Variants in XKR4 observed in about 807,000 individuals in gnomAD.
XKR4 encodes the protein XK related 4.
A neutral mutation model predicts 53.9 loss-of-function variants in XKR4; 12 were observed. The observed-to-expected ratio is 0.22, with a 90% CI of 0.14 to 0.36. The LOEUF is 0.36. XKR4 is among the 10% of genes least tolerant of loss of function. The pLI is 1.00. For missense variants in XKR4, 799 were observed against 859.5 expected, an observed-to-expected ratio of 0.93 and a Z score of 0.88; for synonymous variants, 354 against 362.4, an observed-to-expected ratio of 0.98 and a Z score of 0.26.
chr8:55,467,770 C>G (rs1451234895), intron 2 of XKR4, among the ~76,000 whole-genome samples: 1 of 152,012 alleles, frequency 6.6e-6, no homozygotes. Context: ...ATTATTATGG[C>G]CTTTGGCAAG....
At chr8:55,180,239 A>G (rs1485924869) in intron 1 of XKR4, among the ~76,000 whole-genome samples, 1 of 152,266 alleles carries the variant, frequency 6.6e-6, no homozygotes, top group Non-Finnish European at 1.5e-5. Flanking sequence ...GTCAGGGATT[A>G]TCTGTAAAGG....
At chr8:55,383,827 T>A (rs1459880599) in intron 2 of XKR4, among the ~76,000 whole-genome samples, 1 of 152,088 alleles carries the variant, frequency 6.6e-6, no homozygotes, top group African/African-American at 2.4e-5. Context: ...TGTCTAAGGT[T>A]ATAGGAAGAA....
At position 55,417,609 on chromosome 8, in the gene XKR4, C is replaced by T. The variant is rs117691466; in HGVS notation, c.1006+59732C>T. ...AAAAAGTGTAGCTGTAGGGTATTAT[C>T]ATTTTGCTGGATGTATGTGAATCAC... is the stretch of plus-strand genomic sequence containing the variant. On this transcript the variant is annotated intron_variant, in intron 2 of 2. Transcript: ENST00000327381. 2.2e-3 allele frequency among the ~76,000 whole-genome samples: 342 copies of T among 152,328 alleles called. 7 individuals are homozygous for T. In the East Asian group the frequency reaches 0.033, roughly 15 times the overall value.
chr8:55,309,158 G>C (rs1819353478), intron 1 of XKR4, among the ~76,000 whole-genome samples: 1 of 152,182 alleles, frequency 6.6e-6, no homozygotes, highest in Non-Finnish European at 1.5e-5. Flanking sequence ...AAAGTTGTAA[G>C]TCACTTAGTG....
intron 2 of XKR4, among the ~76,000 whole-genome samples, chr8:55,374,345 T>G (rs142207085): frequency 6.6e-6 from 1 of 152,308 alleles, no homozygotes; most frequent in East Asian, 1.9e-4. Context: ...GAATAAGTGC[T>G]TAAGTGGTCC....
chr8:55,476,325 G>T (rs1000281382), intron 2 of XKR4, among the ~76,000 whole-genome samples: 5 of 152,080 alleles, frequency 3.3e-5, no homozygotes, highest in Non-Finnish European at 5.9e-5. Context: ...CCTGGGAAGG[G>T]ATAGGAATTC....
intron 1 of XKR4, among the ~76,000 whole-genome samples, chr8:55,155,638 G>A (rs927265329): frequency 2.0e-5 from 3 of 150,484 alleles, no homozygotes; most frequent in Admixed American, 6.6e-5. Context: ...CATTAAGAGA[G>A]AGAGAGAGAA....
At chr8:55,191,685 C>CT (rs528131249) in intron 1 of XKR4, among the ~76,000 whole-genome samples, 29,603 of 116,962 alleles carry the variant, frequency 0.25, 3,269 homozygotes, top group East Asian at 0.36. Context: ...TAGTACAATT[C>CT]TTTTTTTTTT....
At chr8:55,330,402 C>A (rs1281208577) in intron 1 of XKR4, among the ~76,000 whole-genome samples, 1 of 151,932 alleles carries the variant, frequency 6.6e-6, no homozygotes, top group Non-Finnish European at 1.5e-5. Context: ...TGAAAAAATG[C>A]CCAGAAGGGA....
intron 2 of XKR4, chr8:55,452,087 T>A: frequency 1.4e-6 from 1 of 701,814 alleles, no homozygotes; most frequent in African/African-American, 1.8e-5. Flanking sequence ...GCTGGCCGGG[T>A]GTGTAGGTAG....
At chr8:55,375,417 G>C (rs972924964) in intron 2 of XKR4, among the ~76,000 whole-genome samples, 3 of 152,038 alleles carry the variant, frequency 2.0e-5, no homozygotes, top group African/African-American at 7.2e-5. Flanking sequence ...CTCCTAAATG[G>C]ATGTGGACCA....
intron 1 of XKR4, among the ~76,000 whole-genome samples, chr8:55,228,412 T>C (rs929478726): frequency 1.3e-5 from 2 of 152,208 alleles, no homozygotes; most frequent in Non-Finnish European, 2.9e-5. Flanking sequence ...CTACAAGAAA[T>C]CATTTTTAAG....
chr8:55,164,141 C>G (rs754226577), intron 1 of XKR4: 1 of 455,336 alleles, frequency 2.2e-6, no homozygotes, highest in South Asian at 1.6e-5. Flanking sequence ...ACCAGCCCTA[C>G]AGGAGTTTGC....
At chr8:55,453,707 G>C in intron 2 of XKR4, 1 of 391,634 alleles carries the variant, frequency 2.6e-6, no homozygotes, top group Non-Finnish European at 4.9e-6. Flanking sequence ...GCTGTCACCC[G>C]GCCTCTGCAT....
intron 1 of XKR4, among the ~76,000 whole-genome samples, chr8:55,337,530 T>C (rs750570365): frequency 3.3e-5 from 5 of 152,182 alleles, no homozygotes; most frequent in Non-Finnish European, 5.9e-5. Flanking sequence ...TGCCAGTTTA[T>C]GCCTGGGAAG....
At chr8:55,352,571 C>T (rs180700220) in intron 1 of XKR4, among the ~76,000 whole-genome samples, 52 of 152,302 alleles carry the variant, frequency 3.4e-4, no homozygotes, top group Non-Finnish European at 5.3e-4. Context: ...AATCCATTAG[C>T]GTTTTCAAAG....
At chr8:55,268,057 G>T (rs1393799670) in intron 1 of XKR4, among the ~76,000 whole-genome samples, 1 of 152,130 alleles carries the variant, frequency 6.6e-6, no homozygotes, top group Non-Finnish European at 1.5e-5. Context: ...GTGCAGTTGG[G>T]CTCTGTCCTA....
chr8:55,484,507 T>A (rs1806163365), intron 2 of XKR4, among the ~76,000 whole-genome samples: 1 of 152,242 alleles, frequency 6.6e-6, no homozygotes, highest in African/African-American at 2.4e-5. Context: ...GGATACAGTC[T>A]GATTCAATAT....
chr8:55,230,312 A>G (rs1818013618), intron 1 of XKR4, among the ~76,000 whole-genome samples: 1 of 151,522 alleles, frequency 6.6e-6, no homozygotes, highest in African/African-American at 2.4e-5. Context: ...TACTACAGAC[A>G]TGTTTTAAAT....
Sources: gnomAD v4.1 joint callset for allele counts (sites outside exome capture counted in the v4.1 genomes callset) on GRCh38, gnomAD v4.1.1 for gene constraint, MANE v1.5 for transcripts, NCBI Gene and HGNC (gene_info 2026-07-23, HGNC 2026-07-21) for gene names.